Variants in HNRNPU observed in about 807,000 individuals in gnomAD.
HNRNPU encodes the protein HNRNPU antisense RNA 1.
In HNRNPU, 5 loss-of-function variants were observed where a neutral mutation model predicts 94.7. The observed-to-expected ratio is 0.05, with a 90% CI of 0.03 to 0.11. HNRNPU has a LOEUF of 0.11. Ranked by LOEUF, HNRNPU falls within the 10% of genes least tolerant of loss-of-function variation. HNRNPU has a pLI of 1.00. For synonymous variants in HNRNPU, 434 were observed against 381.6 expected (o/e 1.14, Z -1.60); for missense variants, 710 against 1,049.2 (o/e 0.68, Z 4.47).
rs766779340 is a variant in HNRNPU at position 244,857,158 on chromosome 1, C to T, written c.1615-302G>A. 6 of 274,934 alleles carry T rather than the reference C, an allele frequency of 2.2e-5. No individual in the cohort carries two copies. In the South Asian group the frequency reaches 5.3e-4, roughly 25 times the overall value. The allele number at this position is 274,934 out of a possible 1,614,324, so 17.0% of individuals were successfully genotyped here. A position where few individuals can be genotyped will look rare whatever the true frequency, so the allele number is the denominator to read the frequency against. On this transcript the variant is annotated intron_variant, in intron 8 of 13. Transcript: ENST00000640218. ...AAGAACCAACTTAATCTTGCCTTTC[C>T]TCCCATCTCTTTAAGATACTAACAA...
chr1:244,862,414 A>AAACC, intron 3 of HNRNPU, 47 bp downstream of exon 3: 1 of 1,298,126 alleles, frequency 7.7e-7, no homozygotes, highest in South Asian at 1.3e-5. Context: ...AAAAAAAAAA[A>AAACC]CCACCATCAC....
rs1680581788 is a variant in HNRNPU, at chr1:244,852,760, TA to T, written c.*1689del. ...TATTTATGATCTGATTTTAAAGGGC[TA>T]AAACAAAATTCTAAGCAATCAGAAA... On this transcript the variant is annotated 3_prime_UTR_variant, in exon 14 of 14. Coordinates refer to ENST00000640218, the MANE Select transcript of HNRNPU (RefSeq NM_031844.3). 6.6e-6 allele frequency: 1 copy of T among 152,198 alleles called. No individual in the cohort carries two copies. The highest frequency in any genetic ancestry group is 1.5e-5 in the Non-Finnish European group (1 of 67,988). The allele number at this position is 152,198 out of a possible 1,614,324, so 9.4% of individuals were successfully genotyped here. A position where few individuals can be genotyped will look rare whatever the true frequency, so the allele number is the denominator to read the frequency against.
intron 3 of HNRNPU, chr1:244,860,752 A>C (rs903491619): frequency 6.0e-6 from 3 of 496,178 alleles, no homozygotes; most frequent in Admixed American, 7.9e-5. Context: ...ATGTGACATT[A>C]ATACATACCT....
Position 244,860,107 on chromosome 1 carries a change from C to G in HNRNPU, c.1017+228G>C, listed in dbSNP as rs1680786993. On this transcript the variant is annotated intron_variant, in intron 4 of 13. Transcript: ENST00000640218. ...CTGAGGTCAAGAGTTGGCGACCAGCCTGGCCTACGTGGTGAAACCCCATCT... is the reference window on the plus strand; with the variant it reads ...CTGAGGTCAAGAGTTGGCGACCAGCGTGGCCTACGTGGTGAAACCCCATCT... The G allele has an allele frequency of 9.6e-6, 4 of 417,740 alleles. 1 individual carries two copies. The South Asian group carries it at 2.2e-4, about 23-fold the overall frequency. 25.9% of individuals were successfully genotyped at this position (417,740 alleles called of 1,614,324 possible).
rs12079538 is a variant in HNRNPU, at chr1:244,860,063, C to T, written c.1017+272G>A. Reference sequence around the variant, plus strand: ...TGCCTGTAATCCCAGCACTTTGGGACGCCGAGACAGTGGATCACCTGAGGT... The same window carrying T: ...TGCCTGTAATCCCAGCACTTTGGGATGCCGAGACAGTGGATCACCTGAGGT... On this transcript the variant is annotated intron_variant, in intron 4 of 13. Transcript: ENST00000640218. 0.12 allele frequency: 40,371 copies of T among 333,090 alleles called. 2,881 individuals carry two copies. The highest frequency in any genetic ancestry group is 0.26 in the Middle Eastern group (315 of 1,234). The allele number at this position is 333,090 out of a possible 1,614,324, so 20.6% of individuals were successfully genotyped here. A position where few individuals can be genotyped will look rare whatever the true frequency, so the allele number is the denominator to read the frequency against.
intron 12 of HNRNPU, 70 bp downstream of exon 12, chr1:244,855,354 C>T: frequency 1.4e-6 from 2 of 1,444,430 alleles, no homozygotes; most frequent in South Asian, 1.2e-5. Context: ...GACACCCCAA[C>T]ATAAAGCTCA....
Position 244,862,601 on chromosome 1 carries a change from T to C in HNRNPU, c.803+18A>G, listed in dbSNP as rs767691786. ...CGAACGAATAAGGGATGAGTAAAAC[T>C]AGGTGAGCATCCTATACCTGCTATA... On this transcript the variant is annotated intron_variant, in intron 2 of 13. Transcript: ENST00000640218. 7.5e-6 allele frequency: 12 copies of C among 1,603,978 alleles called. No individual in the cohort carries two copies. In the South Asian group the frequency reaches 1.1e-4, roughly 15 times the overall value.
Position 244,851,987 on chromosome 1 carries a change from C to G in HNRNPU, c.*2463G>C, listed in dbSNP as rs1026722610. Reference sequence around the variant, plus strand: ...CTTTAAAATATAACCTTAGTGAAAGCACCCTTCAAATCAACAGCAATCTCA... The same window carrying G: ...CTTTAAAATATAACCTTAGTGAAAGGACCCTTCAAATCAACAGCAATCTCA... On this transcript the variant is annotated 3_prime_UTR_variant, in exon 14 of 14. Coordinates refer to ENST00000640218, the MANE Select transcript of HNRNPU (RefSeq NM_031844.3). 3 of 152,158 alleles carry G rather than the reference C, an allele frequency of 2.0e-5. No homozygotes were observed. The highest frequency in any genetic ancestry group is 7.2e-5 in the African/African-American group (3 of 41,424). The allele number at this position is 152,158 out of a possible 1,614,324, so 9.4% of individuals were successfully genotyped here.
chr1:244,862,389 GACT>G (rs1680858801), intron 3 of HNRNPU, 69 bp downstream of exon 3: 1 of 822,452 alleles, frequency 1.2e-6, no homozygotes. Flanking sequence ...TAAGCATTAA[GACT>G]TCTAAAAAAA....
rs757861230 is a variant in HNRNPU, at chr1:244,859,266, A to C, written c.1117+9T>G. ...TCATGAGCCCACATCAGTCAAAAAG[A>C]AGCTTTACCAAGTAACATTCCACTT... On this transcript the variant is annotated intron_variant, in intron 5 of 13. Coordinates refer to ENST00000640218, the MANE Select transcript of HNRNPU (RefSeq NM_031844.3). The C allele has an allele frequency of 7.2e-5, 103 of 1,434,268 alleles. 1 individual carries two copies. The highest frequency in any genetic ancestry group is 9.1e-5 in the Non-Finnish European group (93 of 1,016,644). The allele number at this position is 1,434,268 out of a possible 1,614,324, so 88.8% of individuals were successfully genotyped here.
rs1191346406 is a variant in HNRNPU, at chr1:244,856,164, G to A, written c.1913-6C>T. The stretch of plus-strand genomic sequence containing the variant: ...CTCTGGGAGGGTAAAGTTTCCTGCA[G>A]GAAACAAAGTCATATTATTAATTTA... On this transcript the variant is annotated splice_region_variant and splice_polypyrimidine_tract_variant and intron_variant, in intron 10 of 13. Transcript: ENST00000640218. The A allele has an allele frequency of 1.3e-6, 2 of 1,598,874 alleles. No individual in the cohort carries two copies. Among genetic ancestry groups the A allele is most frequent in the African/African-American group, 1.4e-5 (1 of 73,824 alleles).
At chr1:244,855,366 A>T in intron 12 of HNRNPU, 58 bp downstream of exon 12, 2 of 1,523,446 alleles carry the variant, frequency 1.3e-6, no homozygotes, top group Non-Finnish European at 1.8e-6. Flanking sequence ...TAAAGCTCAC[A>T]CCTTTCCAGA....
In HNRNPU at chr1:244,856,524, T is replaced by C. The variant is rs1573330185; in HGVS notation, c.1845A>G (p.Gln615=). 5 of 1,614,136 alleles carry C rather than the reference T, an allele frequency of 3.1e-6. No homozygotes were observed. The highest frequency in any genetic ancestry group is 1.1e-5 in the South Asian group (1 of 91,084). The change falls in exon 10 of 14, where the codon CAA becomes CAG. Residue 615 remains glutamine, a synonymous_variant. Transcript: ENST00000640218. ...CTACTTCTGCTTTCTTCTGTGTTCTTTGCTTATAGTCTTCATCTTTTGGGC... is the reference window on the plus strand; with the variant it reads ...CTACTTCTGCTTTCTTCTGTGTTCTCTGCTTATAGTCTTCATCTTTTGGGC... The part of the protein sequence containing the change: ...VVCPKDEDYK[Q]RTQKKAEVEG...
At chr1:244,863,516 G>C in intron 1 of HNRNPU, 101 bp downstream of exon 1, 26 of 546,434 alleles carry the variant, frequency 4.8e-5, no homozygotes, top group South Asian at 1.6e-4. Flanking sequence ...GCGCCCTCCC[G>C]CCCGGGGCTC....
In HNRNPU at chr1:244,854,340, G is replaced by T; in HGVS notation, c.*110C>A. 1 of 758,078 alleles carries T rather than the reference G, an allele frequency of 1.3e-6. No homozygotes were observed. Among genetic ancestry groups the T allele is most frequent in the Non-Finnish European group, 2.3e-6 (1 of 435,272 alleles). The allele number at this position is 758,078 out of a possible 1,614,324, so 47.0% of individuals were successfully genotyped here. On this transcript the variant is annotated 3_prime_UTR_variant, in exon 14 of 14. Coordinates refer to ENST00000640218, the MANE Select transcript of HNRNPU (RefSeq NM_031844.3). ...CACAAAGCTTCTAAAAAAGGAACCC[G>T]CAGGCACTTCCTCTTGTGGAATGTT...
chr1:244,858,940 T>C, intron 5 of HNRNPU, 99 bp from the exon 6 acceptor site: 1 of 644,994 alleles, frequency 1.6e-6, no homozygotes, highest in Non-Finnish European at 2.7e-6. Context: ...GAAATAAGCA[T>C]ATAACCTAAT....
intron 3 of HNRNPU, 132 bp from the exon 4 acceptor site, chr1:244,860,606 T>C (rs749925499): frequency 1.5e-6 from 1 of 672,678 alleles, no homozygotes; most frequent in Non-Finnish European, 2.5e-6. Context: ...CATCATGCTG[T>C]TGTTCCAATT....
rs56937404 is a variant in HNRNPU, at chr1:244,862,395, T to TAAAAAAAAAAAAAAAAAAAAAAAAAAA, written c.877+65_877+66insTTTTTTTTTTTTTTTTTTTTTTTTTTT. On this transcript the variant is annotated intron_variant, in intron 3 of 13. Coordinates refer to ENST00000640218, the MANE Select transcript of HNRNPU (RefSeq NM_031844.3). ...TGCTGCACTTAAGCATTAAGACTTC[T>TAAAAAAAAAAAAAAAAAAAAAAAAAAA]AAAAAAAAAAAAAAAAAAACCACCA... 3 of 713,198 alleles carry TAAAAAAAAAAAAAAAAAAAAAAAAAAA rather than the reference T, an allele frequency of 4.2e-6. 1 individual carries two copies. Among genetic ancestry groups the TAAAAAAAAAAAAAAAAAAAAAAAAAAA allele is most frequent in the African/African-American group, 4.1e-5 (2 of 48,672 alleles). The allele number at this position is 713,198 out of a possible 1,614,324, so 44.2% of individuals were successfully genotyped here.
intron 8 of HNRNPU, 121 bp from the exon 9 acceptor site, chr1:244,856,977 T>C (rs1422735674): frequency 1.3e-6 from 1 of 797,688 alleles, no homozygotes; most frequent in Non-Finnish European, 2.0e-6. Flanking sequence ...ATATTACCTT[T>C]GTCCATTATT....
Sources: gnomAD v4.1 joint callset for allele counts on GRCh38, gnomAD v4.1.1 for gene constraint, MANE v1.5 for transcripts, NCBI Gene and HGNC (gene_info 2026-07-23, HGNC 2026-07-21) for gene names.